Variants in PRKCE observed in about 807,000 individuals in gnomAD.
PRKCE encodes protein kinase C epsilon type.
A neutral mutation model predicts 85.4 loss-of-function variants in PRKCE; 16 were observed. The ratio of observed to expected loss-of-function variants is 0.19; its 90% confidence interval spans 0.13 to 0.28. The LOEUF is 0.28. PRKCE is among the 10% of genes least tolerant of loss of function. The probability of loss-of-function intolerance (pLI) is 1.00; values close to 1 mark genes in which losing one functional copy is unlikely to be tolerated. For synonymous variants in PRKCE, 388 were observed against 371.5 expected (o/e 1.04, Z -0.51); for missense variants, 573 against 975.2 (o/e 0.59, Z 5.49).
At position 45,655,777 on chromosome 2, in the gene PRKCE, A is replaced by T. The variant is rs140797902; in HGVS notation, c.348+3329A>T. Among the ~76,000 whole-genome samples, 39 of 144,042 alleles carry T rather than the reference A, an allele frequency of 2.7e-4. No homozygotes were observed. In the Admixed American group the frequency reaches 2.7e-3, roughly 10 times the overall value. The allele number at this position is 144,042 out of a possible 152,430, so 94.5% of individuals were successfully genotyped here. Reference sequence around the variant, plus strand: ...CTTGAGTCCAGGAGTTCAAGGCTGCAGTGTGCTATGATCTGACCATCAGGC... The same window carrying T: ...CTTGAGTCCAGGAGTTCAAGGCTGCTGTGTGCTATGATCTGACCATCAGGC... On this transcript the variant is annotated intron_variant, in intron 1 of 14. Coordinates refer to ENST00000306156, the MANE Select transcript of PRKCE (RefSeq NM_005400.3).
intron 10 of PRKCE, among the ~76,000 whole-genome samples, chr2:46,028,312 G>A (rs977008101): frequency 3.3e-5 from 5 of 152,206 alleles, no homozygotes; most frequent in African/African-American, 9.7e-5. Context: ...GAGTTGGGGG[G>A]TAAACTTTCT....
At chr2:45,765,418 A>C (rs1328537522) in intron 1 of PRKCE, among the ~76,000 whole-genome samples, 2 of 151,718 alleles carry the variant, frequency 1.3e-5, no homozygotes, top group Non-Finnish European at 2.9e-5. Context: ...CTTCATTTGG[A>C]CTCCCCGGTG....
chr2:45,962,755 G>T (rs1701465540), intron 2 of PRKCE, among the ~76,000 whole-genome samples: 1 of 152,188 alleles, frequency 6.6e-6, no homozygotes, highest in Non-Finnish European at 1.5e-5. Flanking sequence ...TGGCCTGGGA[G>T]AAGTGCCAGC....
chr2:46,118,552 C>G (rs1672995882), intron 11 of PRKCE, among the ~76,000 whole-genome samples: 1 of 152,116 alleles, frequency 6.6e-6, no homozygotes, highest in Non-Finnish European at 1.5e-5. Flanking sequence ...AAGCCTTGGA[C>G]TAACAAAAGA....
At chr2:45,871,794 C>A (rs1694107043) in intron 2 of PRKCE, among the ~76,000 whole-genome samples, 1 of 152,176 alleles carries the variant, frequency 6.6e-6, no homozygotes, top group Admixed American at 6.5e-5. Flanking sequence ...GAGACTGCCC[C>A]AGAGAGGAGA....
intron 2 of PRKCE, among the ~76,000 whole-genome samples, chr2:45,847,694 C>A (rs1573592450): frequency 6.6e-6 from 1 of 152,318 alleles, no homozygotes; most frequent in African/African-American, 2.4e-5. Context: ...TTCATGGCCC[C>A]AGTAATGAGT....
rs1312147696 is a variant in PRKCE at position 46,185,575 on chromosome 2, A to C, written c.*694A>C. 1 of 152,700 alleles carries C rather than the reference A, an allele frequency of 6.5e-6. No homozygotes were observed. Among genetic ancestry groups the C allele is most frequent in the Admixed American group, 6.5e-5 (1 of 15,290 alleles). 9.5% of individuals were successfully genotyped at this position (152,700 alleles called of 1,614,324 possible). The stretch of plus-strand genomic sequence containing the variant: ...AAACAGGGTTTTGAACTCTGTTAAC[A>C]TTTGAAAAATATATTTTCAAATTCA... On this transcript the variant is annotated 3_prime_UTR_variant, in exon 15 of 15. Transcript: ENST00000306156. The surrounding 1 kb of genome is among the most constrained non-coding windows in gnomAD (Gnocchi z 4.7).
chr2:46,053,395 G>A (rs149244613), intron 10 of PRKCE, among the ~76,000 whole-genome samples: 28 of 152,166 alleles, frequency 1.8e-4, no homozygotes, highest in Admixed American at 7.8e-4. Flanking sequence ...ACAGTTCTGC[G>A]GCATTAAATA....
chr2:45,689,434 C>T (rs747387059), intron 1 of PRKCE, among the ~76,000 whole-genome samples: 10 of 151,892 alleles, frequency 6.6e-5, no homozygotes, highest in East Asian at 1.9e-4. Flanking sequence ...TTCCTATTGG[C>T]GAAAAGAAGG....
chr2:45,705,120 T>C (rs760961392), intron 1 of PRKCE, among the ~76,000 whole-genome samples: 6 of 152,206 alleles, frequency 3.9e-5, no homozygotes, highest in Non-Finnish European at 7.3e-5. Context: ...ATGGAATAAT[T>C]CACTTTCAAT....
intron 11 of PRKCE, among the ~76,000 whole-genome samples, chr2:46,129,185 G>A (rs1177957354): frequency 6.6e-6 from 1 of 152,164 alleles, no homozygotes; most frequent in Non-Finnish European, 1.5e-5. Context: ...TCCACATGAG[G>A]CGCACTAGTA....
chr2:46,149,623 T>G (rs1676408285), intron 12 of PRKCE, among the ~76,000 whole-genome samples: 4 of 151,298 alleles, frequency 2.6e-5, no homozygotes, highest in African/African-American at 7.3e-5. Flanking sequence ...AAAGGCATAC[T>G]GTAAAATACA....
intron 1 of PRKCE, among the ~76,000 whole-genome samples, chr2:45,807,728 A>C (rs565558404): frequency 6.6e-6 from 1 of 152,206 alleles, no homozygotes; most frequent in Non-Finnish European, 1.5e-5. Flanking sequence ...CTTGTTAGAA[A>C]TGCAAATTCT....
chr2:45,943,709 C>G (rs779079575), intron 2 of PRKCE, among the ~76,000 whole-genome samples: 15 of 152,162 alleles, frequency 9.9e-5, no homozygotes, highest in Non-Finnish European at 1.9e-4. Context: ...CAAATGTCAG[C>G]TAAGTTACAC....
chr2:45,784,387 TAGG>T (rs1211439285), intron 1 of PRKCE, among the ~76,000 whole-genome samples: 1 of 152,246 alleles, frequency 6.6e-6, no homozygotes, highest in South Asian at 2.1e-4. Flanking sequence ...GCTGTGAATC[TAGG>T]AGAAGACTTA....
chr2:46,066,223 T>G (rs1370994212), intron 10 of PRKCE, among the ~76,000 whole-genome samples: 2 of 152,200 alleles, frequency 1.3e-5, no homozygotes, highest in Admixed American at 1.3e-4. Context: ...AAACTTCCTT[T>G]GTTTTGATGT....
chr2:46,093,471 G>A (rs1228943746), intron 11 of PRKCE, among the ~76,000 whole-genome samples: 1 of 150,626 alleles, frequency 6.6e-6, no homozygotes, highest in African/African-American at 2.4e-5. Flanking sequence ...TCAACTCGCA[G>A]CTGGGTCTTT....
chr2:46,119,630 G>A (rs1673121159), intron 11 of PRKCE, among the ~76,000 whole-genome samples: 1 of 152,180 alleles, frequency 6.6e-6, no homozygotes, highest in Non-Finnish European at 1.5e-5. Flanking sequence ...GAGGAACATT[G>A]TTTCCAGCAA....
intron 1 of PRKCE, among the ~76,000 whole-genome samples, chr2:45,661,501 T>TTTTTG (rs1412245616): frequency 6.7e-6 from 1 of 149,016 alleles, no homozygotes; most frequent in South Asian, 2.1e-4. Flanking sequence ...AGAAGAGTTT[T>TTTTTG]TTTTGTTTTG....
Sources: allele counts gnomAD v4.1 joint callset (sites outside exome capture counted in the v4.1 genomes callset), GRCh38; gene constraint gnomAD v4.1.1; non-coding constraint Gnocchi (gnomAD v3.1); transcripts MANE v1.5; gene names NCBI Gene and HGNC (gene_info 2026-07-23, HGNC 2026-07-21).